Variants in RTN1 observed in about 807,000 individuals in gnomAD.
The protein encoded by RTN1 is reticulon 1, also known as reticulon-1.
Under a neutral mutation model 65.5 loss-of-function variants are expected in RTN1, and 25 were observed. That is an observed-to-expected ratio of 0.38 (90% CI 0.28 to 0.53). RTN1 has a LOEUF of 0.53. RTN1 is among the 20% of genes least tolerant of loss of function. The pLI, the probability that RTN1 is intolerant of heterozygous loss-of-function variation, is 0.79. For missense variants in RTN1, 983 were observed against 1,025.4 expected (o/e 0.96, Z 0.57); for synonymous variants, 471 against 447.6 (o/e 1.05, Z -0.66).
chr14:59,719,813 T>C (rs1345879486), intron 3 of RTN1, among the ~76,000 whole-genome samples: 2 of 152,210 alleles, frequency 1.3e-5, no homozygotes, highest in Non-Finnish European at 2.9e-5. Context: ...ATCTGAATTA[T>C]GTCTTCCAAA....
At chr14:59,785,515 G>A (rs1886235444) in intron 1 of RTN1, among the ~76,000 whole-genome samples, 1 of 152,128 alleles carries the variant, frequency 6.6e-6, no homozygotes, top group Non-Finnish European at 1.5e-5. Context: ...TTTCCCATCT[G>A]TTTGGAAACT....
At chr14:59,733,907 T>C (rs944847258) in intron 2 of RTN1, among the ~76,000 whole-genome samples, 5 of 152,194 alleles carry the variant, frequency 3.3e-5, no homozygotes, top group African/African-American at 1.2e-4. Flanking sequence ...TTTAAGTGTG[T>C]CCTTGATCCC....
At position 59,630,404 on chromosome 14, in the gene RTN1, C is replaced by A. The variant is rs1363503890; in HGVS notation, c.1766-22912G>T. On this transcript the variant is annotated intron_variant, in intron 3 of 8. Transcript: ENST00000267484. ...ATGGACGAGTCCAGGTCCCGGGTTT[C>A]CCGTGCGCCTCAGGCATGCACTACT... 7 of 1,612,192 alleles carry A rather than the reference C, an allele frequency of 4.3e-6. No individual in the cohort carries two copies. In the African/African-American group the frequency reaches 9.4e-5, roughly 22 times the overall value.
At chr14:59,861,927 C>A (rs1051474169) in intron 1 of RTN1, among the ~76,000 whole-genome samples, 3 of 152,134 alleles carry the variant, frequency 2.0e-5, no homozygotes, top group Admixed American at 2.0e-4. Context: ...ATGGCACCTA[C>A]CCTTTAGTAT....
chr14:59,802,464 G>T (rs1886564988), intron 1 of RTN1, among the ~76,000 whole-genome samples: 1 of 152,154 alleles, frequency 6.6e-6, no homozygotes, highest in Non-Finnish European at 1.5e-5. Context: ...TATCTGATCT[G>T]AGCTGTTAGA....
chr14:59,860,670 C>T (rs1887692544), intron 1 of RTN1, among the ~76,000 whole-genome samples: 1 of 152,142 alleles, frequency 6.6e-6, no homozygotes, highest in Admixed American at 6.5e-5. Flanking sequence ...GGAGGCTGTA[C>T]CCTGAAAAGC....
intron 3 of RTN1, among the ~76,000 whole-genome samples, chr14:59,696,616 T>C (rs983042583): frequency 1.3e-5 from 2 of 152,092 alleles, no homozygotes; most frequent in Admixed American, 6.6e-5. Context: ...AAATCCATTG[T>C]TGTCAGCAAC....
intron 1 of RTN1, among the ~76,000 whole-genome samples, chr14:59,775,172 ATCT>A: frequency 6.6e-6 from 1 of 152,188 alleles, no homozygotes; most frequent in South Asian, 2.1e-4. Flanking sequence ...GACGTTTCTC[ATCT>A]TCTGTCTACT....
chr14:59,671,701 T>C (rs556372692), intron 3 of RTN1, among the ~76,000 whole-genome samples: 28 of 152,258 alleles, frequency 1.8e-4, no homozygotes, highest in Non-Finnish European at 7.4e-5. Context: ...AACCACCCAC[T>C]GTCTGTACCA....
intron 3 of RTN1, among the ~76,000 whole-genome samples, chr14:59,710,773 T>C (rs1884402311): frequency 6.6e-6 from 1 of 152,128 alleles, no homozygotes; most frequent in Non-Finnish European, 1.5e-5. Context: ...CATTCTCTCA[T>C]CTCCCTGAGT....
intron 3 of RTN1, among the ~76,000 whole-genome samples, chr14:59,637,915 G>A (rs1247827898): frequency 6.6e-6 from 1 of 151,326 alleles, no homozygotes; most frequent in Non-Finnish European, 1.5e-5. Flanking sequence ...GCAGTGGCGC[G>A]ATCTCGGCTC....
chr14:59,716,989 A>AC (rs61547655), intron 3 of RTN1, among the ~76,000 whole-genome samples: 12,574 of 146,878 alleles, frequency 0.086, 1,545 homozygotes, highest in African/African-American at 0.28. Flanking sequence ...AAACAAACAA[A>AC]AAAAAAAAAA....
intron 1 of RTN1, among the ~76,000 whole-genome samples, chr14:59,810,581 C>T (rs1019221917): frequency 2.6e-5 from 4 of 152,018 alleles, no homozygotes; most frequent in Admixed American, 6.6e-5. Context: ...GAGCTCATGG[C>T]CTTTTGGGAG....
At chr14:59,796,102 G>T (rs1486269362) in intron 1 of RTN1, among the ~76,000 whole-genome samples, 1 of 152,108 alleles carries the variant, frequency 6.6e-6, no homozygotes, top group Non-Finnish European at 1.5e-5. Context: ...TACAGCAGTG[G>T]TCCCATAAGA....
chr14:59,823,553 A>G (rs1382337798), intron 1 of RTN1, among the ~76,000 whole-genome samples: 1 of 152,072 alleles, frequency 6.6e-6, no homozygotes, highest in African/African-American at 2.4e-5. Flanking sequence ...GTTGGAAAAA[A>G]TTCTTGGTTG....
chr14:59,819,273 T>A (rs1369379354), intron 1 of RTN1, among the ~76,000 whole-genome samples: 1 of 151,820 alleles, frequency 6.6e-6, no homozygotes, highest in Non-Finnish European at 1.5e-5. Flanking sequence ...AAGGGGTTCC[T>A]AGGAGGTTGC....
chr14:59,705,305 C>T (rs1170177516), intron 3 of RTN1, among the ~76,000 whole-genome samples: 2 of 152,156 alleles, frequency 1.3e-5, no homozygotes, highest in Non-Finnish European at 2.9e-5. Flanking sequence ...TGGGCATTTA[C>T]GTTTAATTGT....
chr14:59,788,362 G>A (rs1018537059), intron 1 of RTN1, among the ~76,000 whole-genome samples: 2 of 152,120 alleles, frequency 1.3e-5, no homozygotes, highest in African/African-American at 2.4e-5. Context: ...TCCTGCTTCC[G>A]TTTACCTTGG....
rs1276698642 is a variant in RTN1 at position 59,836,408 on chromosome 14, G to C, written c.241+33982C>G. Among the ~76,000 whole-genome samples, 1 of 152,194 alleles carries C rather than the reference G, an allele frequency of 6.6e-6. No individual in the cohort carries two copies. Among genetic ancestry groups the C allele is most frequent in the Non-Finnish European group, 1.5e-5 (1 of 68,044 alleles). On this transcript the variant is annotated intron_variant, in intron 1 of 8. Coordinates refer to ENST00000267484, the MANE Select transcript of RTN1 (RefSeq NM_021136.3). The surrounding 1 kb of genome is among the most constrained non-coding windows in gnomAD (Gnocchi z 4.9). Reference sequence around the variant, plus strand: ...ATAGAGATGAGGACTCTCAGGCACAGAGAGATTAAGGAACTCCCCACATCA... The same window carrying C: ...ATAGAGATGAGGACTCTCAGGCACACAGAGATTAAGGAACTCCCCACATCA...
Sources: allele counts gnomAD v4.1 joint callset (sites outside exome capture counted in the v4.1 genomes callset), GRCh38; gene constraint gnomAD v4.1.1; non-coding constraint Gnocchi (gnomAD v3.1); transcripts MANE v1.5; gene names NCBI Gene and HGNC (gene_info 2026-07-23, HGNC 2026-07-21).